GFM1: variants seen among roughly 807,000 people sequenced by gnomAD.
GFM1 encodes the protein G elongation factor mitochondrial 1.
A neutral mutation model predicts 96.2 loss-of-function variants in GFM1; 62 were observed. The ratio of observed to expected loss-of-function variants is 0.64; its 90% confidence interval spans 0.53 to 0.80. The LOEUF (loss-of-function observed/expected upper bound fraction) is 0.80. GFM1 is among the 30% of genes least tolerant of loss of function. The probability of loss-of-function intolerance (pLI) is 0.00; values close to 1 mark genes in which losing one functional copy is unlikely to be tolerated. For missense variants in GFM1, 852 were observed against 916.6 expected, an observed-to-expected ratio of 0.93 and a Z score of 0.91; for synonymous variants, 282 against 312.9, an observed-to-expected ratio of 0.90 and a Z score of 1.04.
intron 5 of GFM1, chr3:158,650,598 T>G (rs961622399): frequency 6.5e-6 from 1 of 153,290 alleles, no homozygotes; most frequent in Non-Finnish European, 1.5e-5. Flanking sequence ...GAAATTAAAA[T>G]CTGAAAGTTG....
At chr3:158,656,278 C>T in intron 8 of GFM1, 5 of 179,184 alleles carry the variant, frequency 2.8e-5, no homozygotes, top group Non-Finnish European at 4.7e-5. Context: ...CTCAGCCTCC[C>T]AAGTAGCTGG....
chr3:158,646,674 C>A, intron 3 of GFM1, 69 bp from the exon 4 acceptor site: 1 of 1,298,892 alleles, frequency 7.7e-7, no homozygotes, highest in Non-Finnish European at 1.1e-6. Flanking sequence ...GATACAAAAA[C>A]TTCTAATAGT....
At position 158,695,153 on chromosome 3, in the gene GFM1, A is replaced by C. The variant is rs7609717; in HGVS notation, c.*3686A>C. 0.58 allele frequency among the ~76,000 whole-genome samples: 87,958 copies of C among 151,902 alleles called. 26,275 individuals carry two copies. The highest frequency in any genetic ancestry group is 0.73 in the African/African-American group (30,108 of 41,442). ...CTTTGGGAGGCCAAGGTGGGTGGAT[A>C]ACCTGAGGTCAGGAGTTCGAGACCA... On this transcript the variant is annotated 3_prime_UTR_variant, in exon 18 of 18. Transcript: ENST00000486715.
chr3:158,656,878 C>T (rs1389579700), intron 8 of GFM1: 1 of 152,212 alleles, frequency 6.6e-6, no homozygotes, highest in Admixed American at 6.5e-5. Context: ...CAATGTTTTG[C>T]CTTTTTGAAT....
intron 13 of GFM1, among the ~76,000 whole-genome samples, chr3:158,675,416 T>C (rs185837930): frequency 1.2e-3 from 177 of 151,702 alleles, no homozygotes; most frequent in Non-Finnish European, 1.8e-3. Context: ...TTCTGATTAA[T>C]AGATGAATTT....
rs928591409 is a variant in GFM1 at position 158,658,320 on chromosome 3, A to G, written c.1084-602A>G. 5.9e-5 allele frequency among the ~76,000 whole-genome samples: 9 copies of G among 152,148 alleles called. No individual in the cohort carries two copies. The South Asian group carries it at 1.7e-3, about 28-fold the overall frequency. On this transcript the variant is annotated intron_variant, in intron 8 of 17. Transcript: ENST00000486715. ...TAGCTGGGATTATAGGTGTGCCACC[A>G]CGTCTGGCTGATTTTTGTATTTTTA... is the stretch of plus-strand genomic sequence containing the variant.
intron 6 of GFM1, among the ~76,000 whole-genome samples, chr3:158,652,576 C>A (rs1482119340): frequency 2.0e-5 from 3 of 152,112 alleles, no homozygotes; most frequent in African/African-American, 2.4e-5. Flanking sequence ...TGGCCTCTTC[C>A]AGCTGCTAGA....
At chr3:158,690,401 A>C in intron 16 of GFM1, 78 bp downstream of exon 16, 1 of 1,361,594 alleles carries the variant, frequency 7.3e-7, no homozygotes. Flanking sequence ...GTTTTTGCAA[A>C]TGGACACATT....
At chr3:158,669,165 T>C (rs762819068) in intron 13 of GFM1, 182 of 1,568,440 alleles carry the variant, frequency 1.2e-4, no homozygotes, top group Non-Finnish European at 1.5e-4. Flanking sequence ...GATAATCATA[T>C]ATATAGTATT....
intron 5 of GFM1, 32 bp downstream of exon 5, chr3:158,649,189 A>C: frequency 1.1e-6 from 1 of 892,168 alleles, no homozygotes; most frequent in Non-Finnish European, 1.9e-6. Flanking sequence ...TTAAAATTTT[A>C]AATTTTAAAA....
At chr3:158,672,414 T>G (rs563082881) in intron 13 of GFM1, 12 of 1,613,932 alleles carry the variant, frequency 7.4e-6, no homozygotes, top group South Asian at 1.1e-5. Flanking sequence ...CTGCTGGTAG[T>G]TGATGTAGTT....
chr3:158,681,525 T>G (rs1392259072), intron 13 of GFM1, among the ~76,000 whole-genome samples: 1 of 152,188 alleles, frequency 6.6e-6, no homozygotes, highest in East Asian at 1.9e-4. Context: ...AAATCCCTTT[T>G]CTTGTATTGC....
At chr3:158,684,865 A>T in intron 15 of GFM1, 197 bp downstream of exon 15, 2 of 581,954 alleles carry the variant, frequency 3.4e-6, no homozygotes, top group Non-Finnish European at 6.1e-6. Flanking sequence ...CTAAAAGACT[A>T]CTGTATTCTC....
At position 158,682,153 on chromosome 3, in the gene GFM1, A is replaced by G; in HGVS notation, c.1760A>G (p.Glu587Gly). 1.2e-6 allele frequency: 2 copies of G among 1,612,858 alleles called. No individual in the cohort carries two copies. The highest frequency in any genetic ancestry group is 1.7e-6 in the Non-Finnish European group (2 of 1,179,268). The change falls in exon 14 of 18, where the codon GAA becomes GGA. Residue 587 changes from glutamate to glycine, a missense_variant. Glu to Gly is a moderately conservative substitution (Grantham distance 98). Transcript: ENST00000486715. ...CCAAAGCAGTTTGTGCCTGCTGTAG[A>G]AAAGGTAAATTTTTAAAAAAGTGTT... ...NIPKQFVPAV[E>G]KGFLDACEKG...
intron 8 of GFM1, chr3:158,655,993 T>A (rs762155280): frequency 2.2e-6 from 1 of 446,876 alleles, no homozygotes; most frequent in African/African-American, 2.0e-5. Flanking sequence ...TTGTAGAGTG[T>A]CCCTCAATTT....
chr3:158,690,365 A>G (rs762392800), intron 16 of GFM1, 42 bp downstream of exon 16: 4 of 1,579,740 alleles, frequency 2.5e-6, no homozygotes, highest in Middle Eastern at 1.7e-4. Flanking sequence ...TTTATTAACC[A>G]TAGAAGGAAA....
chr3:158,677,020 G>A (rs1724960452), intron 13 of GFM1, among the ~76,000 whole-genome samples: 1 of 152,048 alleles, frequency 6.6e-6, no homozygotes, highest in Non-Finnish European at 1.5e-5. Flanking sequence ...TTTTCTAATA[G>A]CATATTCTAA....
Position 158,695,469 on chromosome 3 carries a change from G to A in GFM1, c.*4002G>A, listed in dbSNP as rs1726509838. The A allele has an allele frequency of 6.6e-6, 1 of 152,106 alleles. No individual in the cohort carries two copies. Among genetic ancestry groups the A allele is most frequent in the African/African-American group, 2.4e-5 (1 of 41,422 alleles). The allele number at this position is 152,106 out of a possible 1,614,324, so 9.4% of individuals were successfully genotyped here. A position where few individuals can be genotyped will look rare whatever the true frequency, so the allele number is the denominator to read the frequency against. On this transcript the variant is annotated 3_prime_UTR_variant, in exon 18 of 18. Transcript: ENST00000486715. ...TAGTTGGTTTAACTTTTTGGGTTTT[G>A]TAAATTAATAAATTAGGTAATTGTG...
In GFM1 at chr3:158,646,243, G is replaced by T; in HGVS notation, c.313G>T (p.Ala105Ser). The change falls in exon 3 of 18, where the codon GCA (alanine) becomes TCA (serine). Residue 105 changes from alanine to serine, a missense_variant. Ala to Ser is a moderately conservative substitution (Grantham distance 99). Transcript: ENST00000486715. ...ERQRGITIQS[A>S]ATYTMWKDVN... ...ACAAAGAGGAATCACTATTCAGTCA[G>T]CAGCCACTTACACCATGTGGAAAGA... The T allele has an allele frequency of 1.9e-6, 3 of 1,613,840 alleles. No homozygotes were observed. Among genetic ancestry groups the T allele is most frequent in the Non-Finnish European group, 2.5e-6 (3 of 1,179,708 alleles).
Sources: gnomAD v4.1 joint callset for allele counts (sites outside exome capture counted in the v4.1 genomes callset) on GRCh38, gnomAD v4.1.1 for gene constraint, MANE v1.5 for transcripts, NCBI Gene and HGNC (gene_info 2026-07-23, HGNC 2026-07-21) for gene names.